The following TDG variants were observed in gnomAD, a reference collection of about 807,000 sequenced individuals.
TDG encodes thymine DNA glycosylase.
A neutral mutation model predicts 46.1 loss-of-function variants in TDG; 23 were observed. The observed-to-expected ratio is 0.50, with a 90% confidence interval of 0.36 to 0.71. The LOEUF is 0.71. Ranked by LOEUF, TDG falls within the 30% of genes least tolerant of loss-of-function variation. The pLI is 0.00. For missense variants in TDG, 304 were observed against 486.7 expected (o/e 0.62, Z 3.53); for synonymous variants, 115 against 161.3 (o/e 0.71, Z 2.18).
chr12:103,986,762 G>A, intron 9 of TDG, 186 bp from the exon 10 acceptor site: 1 of 553,958 alleles, frequency 1.8e-6, no homozygotes, highest in Non-Finnish European at 3.1e-6. Flanking sequence ...GCTCACACCT[G>A]TAATCCCAGT....
chr12:103,972,867 C>A, intron 1 of TDG: 1 of 553,874 alleles, frequency 1.8e-6, no homozygotes, highest in Non-Finnish European at 3.2e-6. Context: ...TGATTAATGA[C>A]CTCCGACTAT....
At chr12:103,982,633 T>G (rs1252686720) in intron 4 of TDG, among the ~76,000 whole-genome samples, 166 bp from the exon 5 acceptor site, 1 of 151,770 alleles carries the variant, frequency 6.6e-6, no homozygotes, top group Non-Finnish European at 1.5e-5. Context: ...GGCGTGGTGG[T>G]GTGCATCTGG....
rs1442581173 is a variant in TDG at position 103,988,738 on chromosome 12, G to A, written c.*1648G>A. On this transcript the variant is annotated 3_prime_UTR_variant, in exon 10 of 10. Coordinates refer to ENST00000392872, the MANE Select transcript of TDG (RefSeq NM_003211.6). ...TAATGATGTTTTTCCTAACATGACA[G>A]ATGAGTAGTAAATGTTGATATATCC... 2 of 152,360 alleles carry A rather than the reference G, an allele frequency of 1.3e-5. No homozygotes were observed. Among genetic ancestry groups the A allele is most frequent in the Non-Finnish European group, 2.9e-5 (2 of 68,042 alleles). 9.4% of individuals were successfully genotyped at this position (152,360 alleles called of 1,614,324 possible).
In TDG at chr12:103,980,250, C is replaced by T. The variant is rs1355166268; in HGVS notation, c.408+178C>T. On this transcript the variant is annotated intron_variant, in intron 3 of 9. Coordinates refer to ENST00000392872, the MANE Select transcript of TDG (RefSeq NM_003211.6). ...ATGAGAGTGTTTAAGAGGGTGGGCT[C>T]CAAATTTAGACTGTCTGGGTTCAAA... 7.8e-6 allele frequency: 6 copies of T among 771,322 alleles called. No individual in the cohort carries two copies. In the East Asian group the frequency reaches 8.6e-5, roughly 11 times the overall value. The allele number at this position is 771,322 out of a possible 1,614,324, so 47.8% of individuals were successfully genotyped here.
chr12:103,981,313 A>G (rs1006538020), intron 4 of TDG, among the ~76,000 whole-genome samples: 1 of 134,356 alleles, frequency 7.4e-6, no homozygotes, highest in Non-Finnish European at 1.5e-5. Context: ...TCGGCTCACC[A>G]CAATCTCCAC....
At chr12:103,977,804 C>T (rs192457941) in intron 2 of TDG, among the ~76,000 whole-genome samples, 1 of 152,154 alleles carries the variant, frequency 6.6e-6, no homozygotes, top group South Asian at 2.1e-4. Context: ...TGGCTCATAC[C>T]TGTAATCCCT....
At chr12:103,977,179 A>G in intron 2 of TDG, 119 bp downstream of exon 2, 1 of 1,381,552 alleles carries the variant, frequency 7.2e-7, no homozygotes, top group South Asian at 1.5e-5. Context: ...CCACTTTTTA[A>G]GTACTTAGTA....
chr12:103,983,053 C>T, intron 5 of TDG, 83 bp from the exon 6 acceptor site: 1 of 1,553,202 alleles, frequency 6.4e-7, no homozygotes, highest in Non-Finnish European at 8.7e-7. Flanking sequence ...ACAATATGCT[C>T]TTTCATTGAA....
rs374385379 is a variant in TDG at position 103,987,030 on chromosome 12, A to G, written c.1173A>G (p.Gln391=). 52 of 1,614,148 alleles carry G rather than the reference A, an allele frequency of 3.2e-5. No individual in the cohort carries two copies. The highest frequency in any genetic ancestry group is 4.2e-5 in the Non-Finnish European group (49 of 1,180,038). ...GGATGACCCAGTCATTTACAGACCA[A>G]ATTCCTTCCTTTAGTAATCACTGTG... ...GQWMTQSFTD[Q]IPSFSNHCGT... is the part of the protein sequence containing the mutation. The change falls in exon 10 of 10, where the codon CAA becomes CAG. Residue 391 remains glutamine (Q), a synonymous_variant. Transcript: ENST00000392872.
intron 1 of TDG, among the ~76,000 whole-genome samples, chr12:103,971,335 G>A (rs905706840): frequency 2.6e-5 from 4 of 152,188 alleles, no homozygotes; most frequent in Admixed American, 6.5e-5. Flanking sequence ...AAGCTAAGGC[G>A]GGCAGATCGT....
intron 1 of TDG, among the ~76,000 whole-genome samples, chr12:103,966,773 A>G (rs1871054831): frequency 6.6e-6 from 1 of 152,236 alleles, no homozygotes; most frequent in African/African-American, 2.4e-5. Flanking sequence ...ATAAAGAGTG[A>G]TGATTTACAT....
At chr12:103,966,389 T>G (rs763133347) in intron 1 of TDG, among the ~76,000 whole-genome samples, 3 of 152,184 alleles carry the variant, frequency 2.0e-5, no homozygotes, top group Non-Finnish European at 4.4e-5. Flanking sequence ...TAGAAGGGTT[T>G]TCCGTCACCC....
chr12:103,970,404 G>GGT (rs1403011507), intron 1 of TDG, among the ~76,000 whole-genome samples: 1 of 152,176 alleles, frequency 6.6e-6, no homozygotes, highest in Non-Finnish European at 1.5e-5. Flanking sequence ...TCTGAGCCCA[G>GGT]GTGTGTGTGG....
At chr12:103,966,135 A>C (rs921412027) in intron 1 of TDG, 75 bp downstream of exon 1, 10 of 1,406,128 alleles carry the variant, frequency 7.1e-6, no homozygotes, top group Middle Eastern at 1.9e-4. Context: ...GCGCGCGCGC[A>C]CGCAGGGGTC....
chr12:103,979,554 A>C (rs906561614), intron 2 of TDG, among the ~76,000 whole-genome samples: 7 of 152,218 alleles, frequency 4.6e-5, no homozygotes, highest in African/African-American at 1.7e-4. Context: ...TGAGGAGGTT[A>C]AGATGCCAAG....
chr12:103,980,926 A>C lies in TDG; in HGVS notation c.442A>C (p.Lys148Gln). 3.1e-6 allele frequency: 5 copies of C among 1,613,728 alleles called. No homozygotes were observed. Among genetic ancestry groups the C allele is most frequent in the Non-Finnish European group, 4.2e-6 (5 of 1,179,980 alleles). Residue 148 changes from lysine to glutamine, a missense_variant, in exon 4 of 10, where the codon AAA (lysine) becomes CAA (glutamine). Transcript: ENST00000392872. Reference protein sequence around the residue: ...GINPGLMAAYKGHHYPGPGNH... With the variant: ...GINPGLMAAYQGHHYPGPGNH... ...AAACCCGGGACTAATGGCTGCTTAC[A>C]AAGGGCATCATTACCCTGGACCTGG...
intron 1 of TDG, among the ~76,000 whole-genome samples, chr12:103,968,366 C>T (rs1475769192): frequency 6.6e-6 from 1 of 152,122 alleles, no homozygotes; most frequent in Non-Finnish European, 1.5e-5. Flanking sequence ...TGAGAGTAGA[C>T]TTTATAGAAA....
chr12:103,977,911 G>A (rs117105001), intron 2 of TDG, among the ~76,000 whole-genome samples: 1,809 of 152,098 alleles, frequency 0.012, 17 homozygotes, highest in Non-Finnish European at 0.018. Flanking sequence ...CAAATTAGCC[G>A]GGCATGGTGG....
chr12:103,973,460 A>G (rs961399456), intron 1 of TDG, among the ~76,000 whole-genome samples: 5 of 152,202 alleles, frequency 3.3e-5, no homozygotes, highest in African/African-American at 9.6e-5. Flanking sequence ...AGCTAAATCA[A>G]GGTGCTATTA....
Sources: allele counts gnomAD v4.1 joint callset (sites outside exome capture counted in the v4.1 genomes callset), GRCh38; gene constraint gnomAD v4.1.1; transcripts MANE v1.5; gene names NCBI Gene and HGNC (gene_info 2026-07-23, HGNC 2026-07-21).